Variants in MDGA2 observed in about 807,000 individuals in gnomAD.
The protein encoded by MDGA2 is MAM domain-containing glycosylphosphatidylinositol anchor protein 2.
A neutral mutation model predicts 117.8 loss-of-function variants in MDGA2; 40 were observed. That is an observed-to-expected ratio of 0.34 (90% CI 0.26 to 0.44). The LOEUF (loss-of-function observed/expected upper bound fraction) is 0.44. Ranked by LOEUF, MDGA2 falls within the 20% of genes least tolerant of loss-of-function variation. MDGA2 has a pLI of 1.00. For synonymous variants in MDGA2, 452 were observed against 439.0 expected, an observed-to-expected ratio of 1.03 and a Z score of -0.37; for missense variants, 1,123 against 1,250.6, an observed-to-expected ratio of 0.90 and a Z score of 1.54.
chr14:47,463,812 A>C (rs1164729489), intron 1 of MDGA2, among the ~76,000 whole-genome samples: 1 of 151,828 alleles, frequency 6.6e-6, no homozygotes, highest in African/African-American at 2.4e-5. Context: ...GCTTTTTGTT[A>C]TTGTTTTGAT....
At chr14:47,243,422 T>C (rs920210026) in intron 2 of MDGA2, among the ~76,000 whole-genome samples, 4 of 151,798 alleles carry the variant, frequency 2.6e-5, no homozygotes, top group Admixed American at 2.0e-4. Flanking sequence ...TTCCACACTG[T>C]GGAAGCTTTG....
intron 2 of MDGA2, 126 bp downstream of exon 2, chr14:47,301,277 ACACACACC>A: frequency 1.2e-6 from 1 of 868,076 alleles, no homozygotes; most frequent in Non-Finnish European, 1.7e-6. Context: ...AGTTACACAC[ACACACACC>A]CACACCCACC....
intron 1 of MDGA2, among the ~76,000 whole-genome samples, chr14:47,503,229 T>C (rs546585842): frequency 2.2e-3 from 341 of 151,990 alleles, no homozygotes; most frequent in Non-Finnish European, 3.3e-3. Context: ...ATCAGTACAG[T>C]GGATATAGCT....
intron 1 of MDGA2, 72 bp from the exon 2 acceptor site, chr14:47,301,622 G>A: frequency 6.7e-7 from 1 of 1,483,528 alleles, no homozygotes. Flanking sequence ...GAACCATCTT[G>A]ACTATAAAAG....
At chr14:47,489,304 G>C (rs1894120371) in intron 1 of MDGA2, among the ~76,000 whole-genome samples, 1 of 151,936 alleles carries the variant, frequency 6.6e-6, no homozygotes, top group African/African-American at 2.4e-5. Flanking sequence ...TTAAGTTATG[G>C]TTGTATACTG....
chr14:47,050,582 G>A (rs1347493944), intron 7 of MDGA2, among the ~76,000 whole-genome samples: 2 of 151,918 alleles, frequency 1.3e-5, no homozygotes, highest in Admixed American at 6.6e-5. Flanking sequence ...TTTGTGTGCT[G>A]TAAATTTTAT....
rs368233368 is a variant in MDGA2, at chr14:47,060,430, A to G, written c.1525+819T>C. Reference sequence around the variant, plus strand: ...ACATTTGTCTCTATGTTTTCAACACATATTATTTATCTTTCATGATGTAAG... The same window carrying G: ...ACATTTGTCTCTATGTTTTCAACACGTATTATTTATCTTTCATGATGTAAG... On this transcript the variant is annotated intron_variant, in intron 7 of 16. Coordinates refer to ENST00000399232, the MANE Select transcript of MDGA2 (RefSeq NM_001113498.3). Among the ~76,000 whole-genome samples the G allele has an allele frequency of 9.2e-5, 14 of 152,240 alleles. No individual in the cohort carries two copies. In the East Asian group the frequency reaches 2.7e-3, roughly 29 times the overall value.
intron 3 of MDGA2, among the ~76,000 whole-genome samples, chr14:47,191,792 T>C (rs1885121950): frequency 6.6e-6 from 1 of 152,112 alleles, no homozygotes; most frequent in Non-Finnish European, 1.5e-5. Flanking sequence ...AAAAGAGTAA[T>C]ATTGCATATC....
intron 5 of MDGA2, among the ~76,000 whole-genome samples, chr14:47,101,111 AGATAGATAGATAGACAGATAGAT>A (rs1880289947): frequency 2.2e-5 from 3 of 135,570 alleles, no homozygotes; most frequent in Admixed American, 1.5e-4. Context: ...ATAGATAGAT[AGATAGATAGATAGACAGATAGAT>A]AGAAAGAAAT....
chr14:47,581,125 G>T (rs1896221507), intron 1 of MDGA2, among the ~76,000 whole-genome samples: 1 of 151,870 alleles, frequency 6.6e-6, no homozygotes, highest in East Asian at 1.9e-4. Context: ...AAAGCCCTAA[G>T]CATGTATTTT....
At chr14:47,458,830 A>G (rs944471068) in intron 1 of MDGA2, among the ~76,000 whole-genome samples, 1 of 151,778 alleles carries the variant, frequency 6.6e-6, no homozygotes, top group African/African-American at 2.4e-5. Context: ...TGTGTGAATT[A>G]ATCTTTGCAC....
At chr14:47,534,645 C>T (rs1015786951) in intron 1 of MDGA2, among the ~76,000 whole-genome samples, 1 of 152,296 alleles carries the variant, frequency 6.6e-6, no homozygotes, top group East Asian at 1.9e-4. Flanking sequence ...AAGTCCCCCC[C>T]TCCACATGTG....
chr14:47,437,498 T>C (rs1358472193), intron 1 of MDGA2, among the ~76,000 whole-genome samples: 1 of 152,168 alleles, frequency 6.6e-6, no homozygotes, highest in Non-Finnish European at 1.5e-5. Flanking sequence ...TAGAAGACAA[T>C]GTATGTCCCT....
At chr14:47,659,513 A>G (rs970054963) in intron 1 of MDGA2, among the ~76,000 whole-genome samples, 5 of 152,228 alleles carry the variant, frequency 3.3e-5, no homozygotes, top group Admixed American at 6.5e-5. Context: ...GGTTCATAAG[A>G]TATTTTACCT....
chr14:46,854,248 A>G (rs190740869), intron 15 of MDGA2, among the ~76,000 whole-genome samples: 118 of 151,918 alleles, frequency 7.8e-4, no homozygotes, highest in Admixed American at 1.2e-3. Flanking sequence ...ATAGATTTGA[A>G]TTCTTTTGAA....
At chr14:46,992,412 AT>A (rs888913893) in intron 8 of MDGA2, among the ~76,000 whole-genome samples, 89 of 151,722 alleles carry the variant, frequency 5.9e-4, no homozygotes, top group African/African-American at 2.0e-3. Context: ...GTTTTGAACA[AT>A]TTTTTTTTAA....
chr14:47,351,757 C>T (rs190945220), intron 1 of MDGA2, among the ~76,000 whole-genome samples: 47 of 152,172 alleles, frequency 3.1e-4, no homozygotes, highest in African/African-American at 1.1e-3. Context: ...GAGCAGAAAT[C>T]GTTTCACAGA....
chr14:46,854,359 T>G (rs1347117050), intron 15 of MDGA2, among the ~76,000 whole-genome samples: 1 of 151,556 alleles, frequency 6.6e-6, no homozygotes, highest in Non-Finnish European at 1.5e-5. Context: ...TATTTATATA[T>G]GTATATATGT....
intron 1 of MDGA2, among the ~76,000 whole-genome samples, chr14:47,564,745 A>G (rs1237385959): frequency 6.6e-6 from 1 of 152,140 alleles, no homozygotes; most frequent in African/African-American, 2.4e-5. Flanking sequence ...TCTGTCGGGG[A>G]TGTCAATGAG....
Sources: gnomAD v4.1 joint callset for allele counts (sites outside exome capture counted in the v4.1 genomes callset) on GRCh38, gnomAD v4.1.1 for gene constraint, MANE v1.5 for transcripts, NCBI Gene and HGNC (gene_info 2026-07-23, HGNC 2026-07-21) for gene names.